Variants in AK9 observed in about 807,000 individuals in gnomAD.
AK9 encodes the protein adenylate kinase domain containing 1.
Under a neutral mutation model 239.6 loss-of-function variants are expected in AK9, and 191 were observed. That is an observed-to-expected ratio of 0.80 (90% CI 0.71 to 0.90). The LOEUF is 0.90. AK9 is among the 40% of genes least tolerant of loss of function. The probability of loss-of-function intolerance (pLI) is 0.00; values close to 1 mark genes in which losing one functional copy is unlikely to be tolerated. For synonymous variants in AK9, 689 were observed against 721.0 expected (o/e 0.96, Z 0.71); for missense variants, 1,995 against 2,214.7 (o/e 0.90, Z 1.99).
In AK9 at chr6:109,680,004, C is replaced by T. The variant is rs1250059961; in HGVS notation, c.-11-4248G>A. Among the ~76,000 whole-genome samples, 5 of 152,136 alleles carry T rather than the reference C, an allele frequency of 3.3e-5. 1 individual carries two copies. Among genetic ancestry groups the T allele is most frequent in the Admixed American group, 2.0e-4 (3 of 15,266 alleles). On this transcript the variant is annotated intron_variant, in intron 1 of 40. Transcript: ENST00000424296. ...ATCCACAAAGATGGGGAGAAACCAGCGCAAAAAGGCTGACACTTCCAAAAA... is the reference window on the plus strand; with the variant it reads ...ATCCACAAAGATGGGGAGAAACCAGTGCAAAAAGGCTGACACTTCCAAAAA...
intron 17 of AK9, among the ~76,000 whole-genome samples, chr6:109,603,533 G>A (rs1792382576): frequency 6.6e-6 from 1 of 152,212 alleles, no homozygotes; most frequent in Admixed American, 6.5e-5. Flanking sequence ...ACCCACTTGA[G>A]GAGGCAGTCT....
chr6:109,622,511 T>C (rs1794997634), intron 12 of AK9, among the ~76,000 whole-genome samples: 2 of 84,028 alleles, frequency 2.4e-5, no homozygotes, highest in Admixed American at 1.6e-4. Context: ...ATTACTATTA[T>C]AAATCAGGAT....
chr6:109,508,172 A>G (rs1778310462), intron 33 of AK9, among the ~76,000 whole-genome samples: 1 of 152,222 alleles, frequency 6.6e-6, no homozygotes, highest in Non-Finnish European at 1.5e-5. Context: ...CTACAATTCT[A>G]CAGCAGAGGG....
chr6:109,594,292 A>G (rs1790709312), intron 17 of AK9, among the ~76,000 whole-genome samples: 2 of 152,216 alleles, frequency 1.3e-5, no homozygotes, highest in Admixed American at 6.5e-5. Context: ...TAAAATACCT[A>G]AGAATACAAC....
chr6:109,568,352 G>T (rs76064292), intron 21 of AK9, among the ~76,000 whole-genome samples: 1 of 151,834 alleles, frequency 6.6e-6, no homozygotes, highest in Non-Finnish European at 1.5e-5. Context: ...GGAAGCATTC[G>T]CTTTGAAAAC....
Position 109,647,750 on chromosome 6 carries a change from C to A in AK9, c.760-3062G>T, listed in dbSNP as rs1033617017. On this transcript the variant is annotated intron_variant, in intron 8 of 40. Transcript: ENST00000424296. ...TGCAACAAGCAGATCTAATAGACATCTACAGAACTCTCCACCCCAAATCAA... is the reference window on the plus strand; with the variant it reads ...TGCAACAAGCAGATCTAATAGACATATACAGAACTCTCCACCCCAAATCAA... Among the ~76,000 whole-genome samples the A allele has an allele frequency of 6.6e-5, 10 of 152,040 alleles. No homozygotes were observed. The South Asian group carries it at 2.1e-3, about 32-fold the overall frequency.
intron 32 of AK9, among the ~76,000 whole-genome samples, chr6:109,510,026 G>C (rs376174161): frequency 1.3e-5 from 2 of 152,062 alleles, no homozygotes; most frequent in African/African-American, 4.8e-5. Context: ...AAGCCCCAGG[G>C]GCCATTGATT....
intron 8 of AK9, among the ~76,000 whole-genome samples, chr6:109,655,712 C>T (rs1799602284): frequency 2.0e-5 from 3 of 152,288 alleles, no homozygotes; most frequent in Admixed American, 6.5e-5. Context: ...CCCATAAATA[C>T]AATTTTCTAC....
Position 109,564,188 on chromosome 6 carries a change from T to G in AK9, c.2527A>C (p.Lys843Gln). 6.4e-7 allele frequency: 1 copy of G among 1,551,504 alleles called. No homozygotes were observed. The highest frequency in any genetic ancestry group is 8.7e-7 in the Non-Finnish European group (1 of 1,146,882). Residue 843 changes from lysine to glutamine, a missense_variant, in exon 23 of 41, where the codon AAA becomes CAA. Around this residue, in one of 5 missense-constraint regions of AK9, gnomAD observed 1,290 missense variants for 1,392.7 expected, o/e 0.93. Coordinates refer to ENST00000424296, the MANE Select transcript of AK9 (RefSeq NM_001145128.3). ...TCACTAATTGTTGCTTCTAGCTGTT[T>G]CCAGAGGATGATGAAAGAACCAATC... Reference protein sequence around the residue: ...EKIGSFIILWKQLEATISEAY... With the variant: ...EKIGSFIILWQQLEATISEAY...
chr6:109,607,637 G>A (rs189468586), intron 17 of AK9, among the ~76,000 whole-genome samples: 36 of 152,256 alleles, frequency 2.4e-4, no homozygotes, highest in Admixed American at 3.9e-4. Context: ...GATATCCACT[G>A]AGGGTACTGA....
At chr6:109,505,809 C>G (rs570584948) in intron 35 of AK9, among the ~76,000 whole-genome samples, 1 of 152,204 alleles carries the variant, frequency 6.6e-6, no homozygotes, top group Non-Finnish European at 1.5e-5. Flanking sequence ...ACGTCATAAT[C>G]TATTTTGGCT....
chr6:109,619,304 C>G, intron 12 of AK9, 68 bp from the exon 13 acceptor site: 2 of 1,434,886 alleles, frequency 1.4e-6, no homozygotes, highest in Admixed American at 5.6e-5. Context: ...CATTGTTCAT[C>G]TATCTATGTA....
intron 1 of AK9, among the ~76,000 whole-genome samples, chr6:109,688,538 G>A (rs1583596383): frequency 6.6e-6 from 1 of 152,328 alleles, no homozygotes; most frequent in East Asian, 1.9e-4. Flanking sequence ...GCACAGCTAA[G>A]GCGCTAGCTT....
intron 1 of AK9, 54 bp downstream of exon 1, chr6:109,691,093 G>A: frequency 2.4e-6 from 1 of 424,862 alleles, no homozygotes; most frequent in East Asian, 4.2e-5. Context: ...GAGATAAATA[G>A]ACTCAATTAA....
intron 29 of AK9, among the ~76,000 whole-genome samples, chr6:109,527,274 T>C (rs1305173644): frequency 1.3e-5 from 2 of 152,230 alleles, no homozygotes; most frequent in African/African-American, 4.8e-5. Context: ...AAATGTCCCA[T>C]TCAGTGCTAA....
At chr6:109,634,719 C>T (rs1175751786) in intron 10 of AK9, among the ~76,000 whole-genome samples, 1 of 152,162 alleles carries the variant, frequency 6.6e-6, no homozygotes, top group Non-Finnish European at 1.5e-5. Context: ...AGAACCTCAT[C>T]CATGGAGCAC....
intron 12 of AK9, among the ~76,000 whole-genome samples, chr6:109,624,769 C>A (rs935749350): frequency 2.0e-5 from 3 of 152,160 alleles, no homozygotes; most frequent in African/African-American, 7.2e-5. Context: ...GGGAAATTTT[C>A]TGCAGTTATC....
At chr6:109,646,210 C>A (rs551617046) in intron 8 of AK9, among the ~76,000 whole-genome samples, 6 of 152,246 alleles carry the variant, frequency 3.9e-5, no homozygotes, top group African/African-American at 1.2e-4. Flanking sequence ...CAGCCCCTCA[C>A]CAGCAATGGA....
At chr6:109,591,189 T>C (rs1423182491) in intron 17 of AK9, among the ~76,000 whole-genome samples, 1 of 152,188 alleles carries the variant, frequency 6.6e-6, no homozygotes, top group Non-Finnish European at 1.5e-5. Flanking sequence ...GTTTTATGAA[T>C]CTTGGTGCTG....
Sources: gnomAD v4.1 joint callset for allele counts (sites outside exome capture counted in the v4.1 genomes callset) on GRCh38, gnomAD v4.1.1 for gene constraint, gnomAD v4.1.1 regional missense constraint, MANE v1.5 for transcripts, NCBI Gene and HGNC (gene_info 2026-07-23, HGNC 2026-07-21) for gene names.